The following USH2A variants were observed in gnomAD, a reference collection of about 807,000 sequenced individuals.
USH2A encodes Usher syndrome 2A (autosomal recessive, mild).
A neutral mutation model predicts 538.9 loss-of-function variants in USH2A; 443 were observed. That is an observed-to-expected ratio of 0.82 (90% confidence interval 0.76 to 0.89). The LOEUF is 0.89. Ranked by LOEUF, USH2A falls within the 40% of genes least tolerant of loss-of-function variation. The probability of loss-of-function intolerance (pLI) is 0.00; values close to 1 mark genes in which losing one functional copy is unlikely to be tolerated. For missense variants in USH2A, 6,633 were observed against 6,324.8 expected, an observed-to-expected ratio of 1.05 and a Z score of -1.65; for synonymous variants, 2,413 against 2,273.5, an observed-to-expected ratio of 1.06 and a Z score of -1.75.
At chr1:215,664,087 A>G (rs2102655383) in intron 64 of USH2A, among the ~76,000 whole-genome samples, 1 of 152,246 alleles carries the variant, frequency 6.6e-6, no homozygotes, top group East Asian at 1.9e-4. Flanking sequence ...GATTCCTTCA[A>G]TGCCCTTCCC....
At chr1:215,894,049 A>T (rs543583448) in intron 40 of USH2A, among the ~76,000 whole-genome samples, 1 of 152,158 alleles carries the variant, frequency 6.6e-6, no homozygotes, top group Non-Finnish European at 1.5e-5. Context: ...ATTTTTGATC[A>T]TGGGTCTTCT....
chr1:215,798,351 T>G (rs1468005009), intron 50 of USH2A, among the ~76,000 whole-genome samples: 1 of 152,174 alleles, frequency 6.6e-6, no homozygotes, highest in Non-Finnish European at 1.5e-5. Context: ...CTGTGTGGTA[T>G]TTAGCAAGAT....
intron 32 of USH2A, among the ~76,000 whole-genome samples, chr1:216,025,164 TAGTA>T (rs1172995754): frequency 6.6e-6 from 1 of 151,900 alleles, no homozygotes; most frequent in Non-Finnish European, 1.5e-5. Context: ...TTATATTACA[TAGTA>T]AGTCACATAT....
intron 49 of USH2A, among the ~76,000 whole-genome samples, chr1:215,811,875 C>CCTGGCGTGCAGTGCA (rs1208472823): frequency 2.0e-5 from 3 of 151,250 alleles, no homozygotes; most frequent in Non-Finnish European, 4.4e-5. Context: ...CCATTGCACT[C>CCTGGCGTGCAGTGCA]CAGCCTGGGC....
At chr1:216,297,047 G>T (rs1004084647) in intron 9 of USH2A, among the ~76,000 whole-genome samples, 1 of 151,822 alleles carries the variant, frequency 6.6e-6, no homozygotes, top group Non-Finnish European at 1.5e-5. Flanking sequence ...CATTTAAAAT[G>T]GGTTGTTTCA....
chr1:215,923,099 T>C (rs1666142267), intron 38 of USH2A, among the ~76,000 whole-genome samples: 1 of 152,160 alleles, frequency 6.6e-6, no homozygotes, highest in Non-Finnish European at 1.5e-5. Flanking sequence ...GCATTTGGCA[T>C]GATTTTCAGG....
chr1:215,790,173 T>G lies in USH2A; in HGVS notation c.10068A>C (p.Val3356=). The G allele has an allele frequency of 6.2e-7, 1 of 1,614,106 alleles. No homozygotes were observed. The highest frequency in any genetic ancestry group is 1.1e-5 in the South Asian group (1 of 91,072). The change falls in exon 51 of 72, where the codon GTA becomes GTC. Residue 3356 remains valine, a synonymous_variant. Coordinates refer to ENST00000307340, the MANE Select transcript of USH2A (RefSeq NM_206933.4). ...GAATAAGTTCAGTCTCACAGCATTTTACTGGCACCGGGTCATTCTTTTTAA... is the reference window on the plus strand; with the variant it reads ...GAATAAGTTCAGTCTCACAGCATTTGACTGGCACCGGGTCATTCTTTTTAA... ...AHIKKNDPVP[V]KCCETELIPK... is the part of the protein sequence containing the mutation.
chr1:216,108,292 T>C (rs1478668837), intron 21 of USH2A, among the ~76,000 whole-genome samples: 2 of 151,972 alleles, frequency 1.3e-5, no homozygotes, highest in African/African-American at 2.4e-5. Flanking sequence ...TATTATCTTC[T>C]AGCCTCAATT....
chr1:216,260,071 A>C (rs1445074703), intron 11 of USH2A, among the ~76,000 whole-genome samples: 1 of 152,082 alleles, frequency 6.6e-6, no homozygotes, highest in Non-Finnish European at 1.5e-5. Flanking sequence ...ATTTTTGATA[A>C]AGTTCAGATC....
In USH2A at chr1:215,877,814, C is replaced by A; in HGVS notation, c.8625G>T (p.Arg2875=). The A allele has an allele frequency of 6.2e-7, 1 of 1,613,814 alleles. No individual in the cohort carries two copies. The highest frequency in any genetic ancestry group is 8.5e-7 in the Non-Finnish European group (1 of 1,179,754). Residue 2875 remains arginine (R), a synonymous_variant, in exon 43 of 72, where the codon CGG becomes CGT. Coordinates refer to ENST00000307340, the MANE Select transcript of USH2A (RefSeq NM_206933.4). ...LASNPPEDLN[R]WHNIYSGTQW... ...GAGTTCCTGAATAAATATTGTGCCA[C>A]CGATTTAAATCTTCTGGGGGATTTG...
rs577261258 is a variant in USH2A at position 215,739,640 on chromosome 1, G to A, written c.11711+1735C>T. ...GGAAATTCACATTAACCATTTTTAC[G>A]TGTTCATGTGTTTTTGAATCAGAAA... On this transcript the variant is annotated intron_variant, in intron 60 of 71. Transcript: ENST00000307340. Among the ~76,000 whole-genome samples the A allele has an allele frequency of 6.6e-5, 10 of 152,312 alleles. 1 individual carries two copies. The highest frequency in any genetic ancestry group is 2.1e-4 in the South Asian group (1 of 4,830).
intron 44 of USH2A, among the ~76,000 whole-genome samples, chr1:215,857,911 A>G (rs990746137): frequency 6.6e-6 from 1 of 152,126 alleles, no homozygotes; most frequent in African/African-American, 2.4e-5. Flanking sequence ...TTCCCATCCC[A>G]CTGTAGCCAA....
chr1:216,199,947 G>A lies in USH2A; in HGVS notation c.3491C>T (p.Ser1164Phe), dbSNP rs2034944900. 5 of 1,614,118 alleles carry A rather than the reference G, an allele frequency of 3.1e-6. No homozygotes were observed. The highest frequency in any genetic ancestry group is 4.2e-6 in the Non-Finnish European group (5 of 1,179,992). ...GAGTGTTGTCCAGGTAAGTGTCACA[G>A]AGTCTGAGCCAATAGGAATGATATA... ...LSYIIPIGSD[S>F]VTLTWTTLSN... The change falls in exon 17 of 72, where the codon TCT (serine) becomes TTT (phenylalanine). Residue 1164 changes from serine to phenylalanine, a missense_variant. Transcript: ENST00000307340.
intron 67 of USH2A, among the ~76,000 whole-genome samples, chr1:215,642,054 A>C (rs2102637487): frequency 6.6e-6 from 1 of 152,356 alleles, no homozygotes; most frequent in East Asian, 1.9e-4. Context: ...GCACAGATAA[A>C]GAAACAGCTT....
intron 11 of USH2A, among the ~76,000 whole-genome samples, chr1:216,263,335 A>G (rs758446750): frequency 2.0e-5 from 3 of 152,176 alleles, no homozygotes; most frequent in Non-Finnish European, 4.4e-5. Flanking sequence ...CTACAGGCCA[A>G]TATTCCTGAT....
At chr1:215,803,955 A>C (rs1355388989) in intron 49 of USH2A, among the ~76,000 whole-genome samples, 1 of 152,220 alleles carries the variant, frequency 6.6e-6, no homozygotes, top group Non-Finnish European at 1.5e-5. Context: ...AAAGGAACAG[A>C]ACAGAGCCCT....
Position 215,674,142 on chromosome 1 carries a change from C to T in USH2A, c.13769G>A (p.Gly4590Asp), listed in dbSNP as rs1657913190. The T allele has an allele frequency of 6.2e-7, 1 of 1,614,070 alleles. No individual in the cohort carries two copies. Among genetic ancestry groups the T allele is most frequent in the Non-Finnish European group, 8.5e-7 (1 of 1,179,996 alleles). Residue 4590 changes from glycine to aspartate, a missense_variant, in exon 63 of 72, where the codon GGT becomes GAT. Gly to Asp is a moderately conservative substitution (Grantham distance 94). Coordinates refer to ENST00000307340, the MANE Select transcript of USH2A (RefSeq NM_206933.4). ...IHINTTHNSF[G>D]MQSYIVNQLK... is the part of the protein sequence containing the mutation. ...CTGGTTTACTATATATGACTGCATA[C>T]CAAAAGAATTATGAGTTGTGTTTAT... is the stretch of plus-strand genomic sequence containing the variant.
chr1:215,753,578 A>G (rs2970536), intron 58 of USH2A, among the ~76,000 whole-genome samples: 152,077 of 152,084 alleles, frequency 1, 76,035 homozygotes, highest in Middle Eastern at 1. Context: ...ACCAAACACC[A>G]CATGTTCTCA....
At chr1:215,739,257 C>T (rs1210030147) in intron 60 of USH2A, among the ~76,000 whole-genome samples, 2 of 152,196 alleles carry the variant, frequency 1.3e-5, no homozygotes, top group African/African-American at 2.4e-5. Flanking sequence ...GGCAGTAACA[C>T]ATTCTGTTTC....
Sources: allele counts gnomAD v4.1 joint callset (sites outside exome capture counted in the v4.1 genomes callset), GRCh38; gene constraint gnomAD v4.1.1; transcripts MANE v1.5; gene names NCBI Gene and HGNC (gene_info 2026-07-23, HGNC 2026-07-21).